MMP16: variants seen among roughly 807,000 people sequenced by gnomAD.
The protein encoded by MMP16 is matrix metallopeptidase 16.
A neutral mutation model predicts 67.8 loss-of-function variants in MMP16; 12 were observed. The ratio of observed to expected loss-of-function variants is 0.18; its 90% CI spans 0.11 to 0.29. The LOEUF (loss-of-function observed/expected upper bound fraction) is 0.29. Ranked by LOEUF, MMP16 falls within the 10% of genes least tolerant of loss-of-function variation. The probability of loss-of-function intolerance (pLI) is 1.00; values close to 1 mark genes in which losing one functional copy is unlikely to be tolerated. For synonymous variants in MMP16, 249 were observed against 255.9 expected (o/e 0.97, Z 0.26); for missense variants, 475 against 765.7 (o/e 0.62, Z 4.48).
chr8:88,067,182 T>C (rs569847512), intron 7 of MMP16, among the ~76,000 whole-genome samples: 13 of 152,204 alleles, frequency 8.5e-5, no homozygotes, highest in African/African-American at 2.6e-4. Flanking sequence ...AACTTTAACG[T>C]AGAGGGGAAA....
intron 6 of MMP16, among the ~76,000 whole-genome samples, chr8:88,083,974 T>G (rs1197937006): frequency 6.6e-6 from 1 of 152,010 alleles, no homozygotes; most frequent in Non-Finnish European, 1.5e-5. Context: ...ACAAACAGAT[T>G]CATTTTCCCT....
chr8:88,272,432 T>C (rs933922234), intron 1 of MMP16, among the ~76,000 whole-genome samples: 3 of 152,198 alleles, frequency 2.0e-5, no homozygotes, highest in Non-Finnish European at 2.9e-5. Flanking sequence ...TTGAATCCTA[T>C]TTTGTTTCTG....
Position 88,058,291 on chromosome 8 carries a change from T to C in MMP16, c.1223-2013A>G, listed in dbSNP as rs1244033151. Among the ~76,000 whole-genome samples, 1 of 152,142 alleles carries C rather than the reference T, an allele frequency of 6.6e-6. No homozygotes were observed. The highest frequency in any genetic ancestry group is 1.5e-5 in the Non-Finnish European group (1 of 68,008). ...TTGGTTTTATATTTTAAAATGATTTTTGGAGACAAATGGATTATAAAGGGA... is the reference window on the plus strand; with the variant it reads ...TTGGTTTTATATTTTAAAATGATTTCTGGAGACAAATGGATTATAAAGGGA... On this transcript the variant is annotated intron_variant, in intron 7 of 9. Coordinates refer to ENST00000286614, the MANE Select transcript of MMP16 (RefSeq NM_005941.5). This position sits in a 1 kb window ranked among gnomAD's most constrained non-coding sequence, Gnocchi z 4.2.
At chr8:88,066,646 G>T (rs1210622332) in intron 7 of MMP16, among the ~76,000 whole-genome samples, 1 of 151,942 alleles carries the variant, frequency 6.6e-6, no homozygotes, top group Non-Finnish European at 1.5e-5. Flanking sequence ...TCACTCAACA[G>T]CAAGCAACTT....
intron 1 of MMP16, among the ~76,000 whole-genome samples, chr8:88,273,682 C>G (rs1810601251): frequency 6.6e-6 from 1 of 151,958 alleles, no homozygotes; most frequent in Admixed American, 6.6e-5. Context: ...TTTTCTGATT[C>G]AAATATTTAA....
At position 88,162,388 on chromosome 8, in the gene MMP16, A is replaced by T. The variant is rs537219392; in HGVS notation, c.709+5281T>A. Reference sequence around the variant, plus strand: ...ATAAATCCTCTGTAATGGGTGTGAAAGCCGAATTATTGAGAGAGTTCGTTC... The same window carrying T: ...ATAAATCCTCTGTAATGGGTGTGAATGCCGAATTATTGAGAGAGTTCGTTC... On this transcript the variant is annotated intron_variant, in intron 4 of 9. Coordinates refer to ENST00000286614, the MANE Select transcript of MMP16 (RefSeq NM_005941.5). Among the ~76,000 whole-genome samples, 5 of 152,198 alleles carry T rather than the reference A, an allele frequency of 3.3e-5. No homozygotes were observed. The East Asian group carries it at 5.8e-4, about 18-fold the overall frequency.
At chr8:88,163,221 C>T (rs868624084) in intron 4 of MMP16, among the ~76,000 whole-genome samples, 2 of 151,974 alleles carry the variant, frequency 1.3e-5, no homozygotes, top group Non-Finnish European at 1.5e-5. Context: ...AAGTCCTGTC[C>T]GTTGACTCAA....
rs1170557742 is a variant in MMP16 at position 88,327,128 on chromosome 8, G to A, written c.79C>T (p.Leu27Phe). 1 of 1,614,018 alleles carries A rather than the reference G, an allele frequency of 6.2e-7. No homozygotes were observed. The highest frequency in any genetic ancestry group is 1.1e-5 in the South Asian group (1 of 91,074). Residue 27 changes from leucine to phenylalanine, a missense_variant, in exon 1 of 10, where the codon CTT (leucine) becomes TTT (phenylalanine). Leu to Phe is a conservative substitution (Grantham distance 22). Around this residue, in one of 5 missense-constraint regions of MMP16, gnomAD observed 170 missense variants for 239.6 expected, o/e 0.71. Transcript: ENST00000286614. ...HSGVFFLQTL[L>F]WILCATVCGT... ...CAGACTGTAGCACATAAAATCCAAA[G>A]CAAGGTTTGCAAGAAAAACACCCCC... is the stretch of plus-strand genomic sequence containing the variant.
chr8:88,174,050 TA>T (rs968440051), intron 3 of MMP16, among the ~76,000 whole-genome samples: 16 of 152,136 alleles, frequency 1.1e-4, no homozygotes, highest in Middle Eastern at 3.4e-3. Context: ...TGTAGGCATT[TA>T]AAAAAAATTA....
At chr8:88,092,969 A>G (rs1262793330) in intron 6 of MMP16, among the ~76,000 whole-genome samples, 1 of 151,882 alleles carries the variant, frequency 6.6e-6, no homozygotes, top group Non-Finnish European at 1.5e-5. Flanking sequence ...CTGTGGAAGA[A>G]TAACAAAGGT....
rs1808005243 is a variant in MMP16 at position 88,032,974 on chromosome 8, G to A, written c.*8487C>T. 6.6e-6 allele frequency: 1 copy of A among 152,002 alleles called. No individual in the cohort carries two copies. The allele number at this position is 152,002 out of a possible 1,614,324, so 9.4% of individuals were successfully genotyped here. Reference sequence around the variant, plus strand: ...GGAATTAAAAGAAAGGTGAAGTATTGTCAGACAACCACAAGATAATGGCCT... The same window carrying A: ...GGAATTAAAAGAAAGGTGAAGTATTATCAGACAACCACAAGATAATGGCCT... On this transcript the variant is annotated 3_prime_UTR_variant, in exon 10 of 10. Transcript: ENST00000286614.
At chr8:88,246,964 C>T (rs16880255) in intron 1 of MMP16, among the ~76,000 whole-genome samples, 5,088 of 152,072 alleles carry the variant, frequency 0.033, 222 homozygotes, top group African/African-American at 0.1. Flanking sequence ...TATCATGTGA[C>T]GGTAAATGGA....
chr8:88,325,766 A>G (rs1387159514), intron 1 of MMP16, among the ~76,000 whole-genome samples: 3 of 152,194 alleles, frequency 2.0e-5, no homozygotes, highest in Non-Finnish European at 2.9e-5. Flanking sequence ...ATTTATTCAT[A>G]CTTAATATCT....
At chr8:88,218,628 T>C (rs943457239) in intron 1 of MMP16, among the ~76,000 whole-genome samples, 3 of 152,066 alleles carry the variant, frequency 2.0e-5, no homozygotes, top group Non-Finnish European at 4.4e-5. Flanking sequence ...CAATTATACC[T>C]TGATAAAACT....
intron 6 of MMP16, among the ~76,000 whole-genome samples, chr8:88,099,120 T>C (rs896603341): frequency 4.0e-5 from 6 of 151,744 alleles, no homozygotes; most frequent in African/African-American, 1.4e-4. Flanking sequence ...CTAAATTTCA[T>C]ATATTCAAAT....
At chr8:88,109,033 A>G (rs1325801134) in intron 6 of MMP16, among the ~76,000 whole-genome samples, 1 of 151,428 alleles carries the variant, frequency 6.6e-6, no homozygotes, top group Non-Finnish European at 1.5e-5. Context: ...GAACAAGACA[A>G]TCAAGAACTT....
chr8:88,313,500 C>T (rs1811328777), intron 1 of MMP16, among the ~76,000 whole-genome samples: 1 of 152,132 alleles, frequency 6.6e-6, no homozygotes, highest in Non-Finnish European at 1.5e-5. Flanking sequence ...CTCTTTATCA[C>T]TCATTTGAGC....
intron 1 of MMP16, among the ~76,000 whole-genome samples, chr8:88,200,005 G>T (rs1054299612): frequency 6.6e-6 from 1 of 152,060 alleles, no homozygotes; most frequent in East Asian, 1.9e-4. Flanking sequence ...GATTAACTGA[G>T]AATACACAAA....
intron 3 of MMP16, among the ~76,000 whole-genome samples, chr8:88,178,481 T>A (rs1301368015): frequency 6.6e-6 from 1 of 152,102 alleles, no homozygotes; most frequent in Non-Finnish European, 1.5e-5. Context: ...ACATCCCAAA[T>A]TGAAAAAAGA....
Sources: gnomAD v4.1 joint callset for allele counts (sites outside exome capture counted in the v4.1 genomes callset) on GRCh38, gnomAD v4.1.1 for gene constraint, gnomAD v4.1.1 regional missense constraint, Gnocchi (gnomAD v3.1) non-coding constraint, MANE v1.5 for transcripts, NCBI Gene and HGNC (gene_info 2026-07-23, HGNC 2026-07-21) for gene names.